The following INPP4B variants were observed in gnomAD, a reference collection of about 807,000 sequenced individuals.
The protein encoded by INPP4B is inositol polyphosphate-4-phosphatase type II B.
In INPP4B, 55 loss-of-function variants were observed where a neutral mutation model predicts 122.5. That is an observed-to-expected ratio of 0.45 (90% CI 0.36 to 0.56). The LOEUF (loss-of-function observed/expected upper bound fraction) is 0.56. Among genes scored for constraint, INPP4B ranks in the 20% least tolerant of loss-of-function variants. INPP4B has a pLI of 0.00. For synonymous variants in INPP4B, 403 were observed against 388.7 expected, an observed-to-expected ratio of 1.04 and a Z score of -0.43; for missense variants, 1,000 against 1,097.7, an observed-to-expected ratio of 0.91 and a Z score of 1.26.
chr4:142,608,071 A>G (rs1741657287), intron 2 of INPP4B, among the ~76,000 whole-genome samples: 1 of 152,172 alleles, frequency 6.6e-6, no homozygotes, highest in Admixed American at 6.6e-5. Flanking sequence ...TTCAGAGCAC[A>G]AGCATTAAAG....
intron 7 of INPP4B, among the ~76,000 whole-genome samples, chr4:142,367,653 A>T (rs1397163095): frequency 6.6e-6 from 1 of 152,074 alleles, no homozygotes; most frequent in East Asian, 1.9e-4. Flanking sequence ...TGTTCTCAAC[A>T]TTATGCTCTA....
In INPP4B at chr4:142,260,507, G is replaced by A; in HGVS notation, c.673C>T (p.Pro225Ser). The A allele has an allele frequency of 6.2e-7, 1 of 1,603,250 alleles. No homozygotes were observed. The highest frequency in any genetic ancestry group is 8.5e-7 in the Non-Finnish European group (1 of 1,171,456). ...PESVSGKDNL[P>S]FLNSVLKNPV... is the part of the protein sequence containing the mutation. ...AGTTACATACCTGAATTCAAAAAAG[G>A]TAAGTTATCTTTTCCGCTCACACTT... The change falls in exon 11 of 26, where the codon CCT becomes TCT. Residue 225 changes from proline to serine, a missense_variant. By Grantham distance (74) the Pro-to-Ser change is moderately conservative. Coordinates refer to ENST00000262992, the MANE Select transcript of INPP4B (RefSeq NM_001101669.3).
chr4:142,721,690 G>A (rs931241723), intron 2 of INPP4B, among the ~76,000 whole-genome samples: 1 of 151,956 alleles, frequency 6.6e-6, no homozygotes, highest in East Asian at 1.9e-4. Flanking sequence ...GCGTGGTAGC[G>A]CGTGCCTGTA....
At chr4:142,603,373 C>A (rs1337767465) in intron 2 of INPP4B, among the ~76,000 whole-genome samples, 1 of 151,210 alleles carries the variant, frequency 6.6e-6, no homozygotes, top group Non-Finnish European at 1.5e-5. Context: ...CACATATACC[C>A]CAAACTTAAA....
At chr4:142,094,952 T>C (rs926975821) in intron 23 of INPP4B, among the ~76,000 whole-genome samples, 2 of 152,190 alleles carry the variant, frequency 1.3e-5, no homozygotes, top group Admixed American at 6.6e-5. Context: ...AATAAGAATA[T>C]GAAACCTATA....
chr4:142,397,189 A>G (rs1562007142), intron 7 of INPP4B, among the ~76,000 whole-genome samples: 1 of 152,238 alleles, frequency 6.6e-6, no homozygotes, highest in African/African-American at 2.4e-5. Flanking sequence ...AGCTCCCTCT[A>G]CAAGACATCT....
chr4:142,456,004 A>AT (rs34446518), intron 3 of INPP4B, among the ~76,000 whole-genome samples: 5,462 of 151,546 alleles, frequency 0.036, 223 homozygotes, highest in African/African-American at 0.081. Context: ...GGATTATTAG[A>AT]TTTTTTTTCT....
chr4:142,315,162 C>T (rs1315525911), intron 7 of INPP4B, among the ~76,000 whole-genome samples: 3 of 152,100 alleles, frequency 2.0e-5, no homozygotes, highest in Non-Finnish European at 4.4e-5. Flanking sequence ...TATGGATATG[C>T]TAATTACCAT....
At chr4:142,282,703 G>A (rs1579584323) in intron 9 of INPP4B, among the ~76,000 whole-genome samples, 1 of 152,202 alleles carries the variant, frequency 6.6e-6, no homozygotes, top group East Asian at 1.9e-4. Flanking sequence ...TTCACATGGT[G>A]GTTTGCCTCC....
Position 142,472,399 on chromosome 4 carries a change from G to A in INPP4B, c.-190-9673C>T, listed in dbSNP as rs144100315. 7.9e-5 allele frequency among the ~76,000 whole-genome samples: 12 copies of A among 151,464 alleles called. No homozygotes were observed. In the East Asian group the frequency reaches 2.3e-3, roughly 29 times the overall value. On this transcript the variant is annotated intron_variant, in intron 2 of 25. Coordinates refer to ENST00000262992, the MANE Select transcript of INPP4B (RefSeq NM_001101669.3). ...TACCTTTACCCCATACCCTGACCAAGTTGTCATTGTCAGTGATACCGAACC... is the reference window on the plus strand; with the variant it reads ...TACCTTTACCCCATACCCTGACCAAATTGTCATTGTCAGTGATACCGAACC...
intron 18 of INPP4B, among the ~76,000 whole-genome samples, chr4:142,137,848 A>G (rs1242703749): frequency 6.6e-6 from 1 of 151,734 alleles, no homozygotes; most frequent in Non-Finnish European, 1.5e-5. Flanking sequence ...ATCATCTCAC[A>G]CCAGTTAGAA....
intron 12 of INPP4B, among the ~76,000 whole-genome samples, chr4:142,226,808 A>T (rs535881712): frequency 6.6e-6 from 1 of 152,332 alleles, no homozygotes; most frequent in African/African-American, 2.4e-5. Context: ...TTAGAAATTG[A>T]TAAAGTAGAA....
chr4:142,288,069 T>G (rs1464545140), intron 9 of INPP4B, among the ~76,000 whole-genome samples: 1 of 152,156 alleles, frequency 6.6e-6, no homozygotes, highest in African/African-American at 2.4e-5. Context: ...CAAACTTAAT[T>G]GCTTCCCAAA....
intron 3 of INPP4B, among the ~76,000 whole-genome samples, chr4:142,443,234 C>T (rs747439205): frequency 9.2e-5 from 14 of 152,130 alleles, no homozygotes; most frequent in Non-Finnish European, 1.5e-4. Flanking sequence ...GTATTCTGCA[C>T]TGACTAAAGG....
intron 24 of INPP4B, among the ~76,000 whole-genome samples, chr4:142,083,007 T>C (rs1774826220): frequency 6.6e-6 from 1 of 151,588 alleles, no homozygotes; most frequent in East Asian, 1.9e-4. Flanking sequence ...ATGCTTGTAG[T>C]CCCAGCTACT....
rs1227543398 is a variant in INPP4B, at chr4:142,023,508, T to C, written c.*5274A>G. On this transcript the variant is annotated 3_prime_UTR_variant, in exon 26 of 26. Coordinates refer to ENST00000262992, the MANE Select transcript of INPP4B (RefSeq NM_001101669.3). ...GCCCATACAGTTATATGCAAACTTT[T>C]GAAAGTTTCATAGTTGTTTAACAAA... The C allele has an allele frequency of 1.3e-5, 2 of 152,194 alleles. No individual in the cohort carries two copies. Among genetic ancestry groups the C allele is most frequent in the Admixed American group, 1.3e-4 (2 of 15,276 alleles). 9.4% of individuals were successfully genotyped at this position (152,194 alleles called of 1,614,324 possible).
intron 12 of INPP4B, among the ~76,000 whole-genome samples, chr4:142,218,186 G>C (rs969166877): frequency 6.6e-6 from 1 of 152,114 alleles, no homozygotes; most frequent in Non-Finnish European, 1.5e-5. Context: ...TGGTGGGAGG[G>C]AGATGGAAGA....
intron 2 of INPP4B, among the ~76,000 whole-genome samples, chr4:142,719,974 A>G (rs1764296623): frequency 6.6e-6 from 1 of 152,234 alleles, no homozygotes. Flanking sequence ...AGAATGAAAC[A>G]AAACCAAAGC....
intron 7 of INPP4B, among the ~76,000 whole-genome samples, chr4:142,393,506 G>A (rs1798389221): frequency 1.3e-5 from 2 of 152,284 alleles, no homozygotes; most frequent in South Asian, 4.1e-4. Context: ...TTTCCGATGG[G>A]TTTACACTGG....
Sources: allele counts gnomAD v4.1 joint callset (sites outside exome capture counted in the v4.1 genomes callset), GRCh38; gene constraint gnomAD v4.1.1; transcripts MANE v1.5; gene names NCBI Gene and HGNC (gene_info 2026-07-23, HGNC 2026-07-21).